Variants in TMOD1 observed in about 807,000 individuals in gnomAD.
TMOD1 encodes the protein tropomodulin-1.
Under a neutral mutation model 40.6 loss-of-function variants are expected in TMOD1, and 17 were observed. The ratio of observed to expected loss-of-function variants is 0.42; its 90% CI spans 0.29 to 0.63. The LOEUF (loss-of-function observed/expected upper bound fraction) is 0.63. TMOD1 is among the 20% of genes least tolerant of loss of function. The pLI is 0.22. For missense variants in TMOD1, 391 were observed against 447.6 expected, an observed-to-expected ratio of 0.87 and a Z score of 1.14; for synonymous variants, 181 against 175.0, an observed-to-expected ratio of 1.03 and a Z score of -0.27.
At chr9:97,510,906 G>C (rs555192006) in intron 1 of TMOD1, among the ~76,000 whole-genome samples, 2 of 152,238 alleles carry the variant, frequency 1.3e-5, no homozygotes, top group African/African-American at 4.8e-5. Context: ...CATAGGAGGA[G>C]TGGAGTGCAG....
At position 97,519,344 on chromosome 9, in the gene TMOD1, T is replaced by G. The variant is rs140101331; in HGVS notation, c.-48-4797T>G. On this transcript the variant is annotated intron_variant, in intron 1 of 9. Transcript: ENST00000259365. The stretch of plus-strand genomic sequence containing the variant: ...TATTTTTTCATATTTAACGGAGGCT[T>G]AAGGCTTCTGCCACAGAGAAGCGGG... Among the ~76,000 whole-genome samples, 322 of 152,348 alleles carry G rather than the reference T, an allele frequency of 2.1e-3. 3 individuals carry two copies. Among genetic ancestry groups the G allele is most frequent in the African/African-American group, 7.4e-3 (309 of 41,586 alleles).
intron 4 of TMOD1, among the ~76,000 whole-genome samples, chr9:97,556,998 C>T (rs6478262): frequency 0.26 from 38,812 of 151,854 alleles, 5,243 homozygotes; most frequent in African/African-American, 0.3. Context: ...AGGTGTGACA[C>T]GGGTGAGATG....
At chr9:97,508,804 C>T (rs1421651322) in intron 1 of TMOD1, among the ~76,000 whole-genome samples, 2 of 152,166 alleles carry the variant, frequency 1.3e-5, no homozygotes, top group Non-Finnish European at 2.9e-5. Context: ...GAAATATGGT[C>T]TTTACAAATG....
intron 6 of TMOD1, among the ~76,000 whole-genome samples, chr9:97,564,506 C>A (rs1313159635): frequency 3.3e-5 from 5 of 152,208 alleles, no homozygotes; most frequent in Admixed American, 1.3e-4. Context: ...GAGTCAGACA[C>A]ACGCTGCTGC....
At chr9:97,533,414 C>T (rs1830133138) in intron 2 of TMOD1, among the ~76,000 whole-genome samples, 1 of 152,196 alleles carries the variant, frequency 6.6e-6, no homozygotes, top group Non-Finnish European at 1.5e-5. Context: ...ACTGTATGGC[C>T]ACAGATACAG....
intron 1 of TMOD1, among the ~76,000 whole-genome samples, chr9:97,512,553 A>C (rs1247865316): frequency 6.6e-6 from 1 of 152,056 alleles, no homozygotes; most frequent in Non-Finnish European, 1.5e-5. Context: ...ATTTCAGATA[A>C]TGGAATACTA....
intron 1 of TMOD1, among the ~76,000 whole-genome samples, chr9:97,509,435 T>G (rs140500805): frequency 6.6e-6 from 1 of 152,290 alleles, no homozygotes; most frequent in African/African-American, 2.4e-5. Context: ...CTAATTTATT[T>G]ACTCAATGTC....
In TMOD1 at chr9:97,543,421, A is replaced by T. The variant is rs916494923; in HGVS notation, c.121-2764A>T. ...TTCTACCTGATTATATAACAATAGA[A>T]GGGATCATAAGTAATAATTTTTGAC... On this transcript the variant is annotated intron_variant, in intron 2 of 9. Coordinates refer to ENST00000259365, the MANE Select transcript of TMOD1 (RefSeq NM_003275.4). Among the ~76,000 whole-genome samples, 5 of 152,394 alleles carry T rather than the reference A, an allele frequency of 3.3e-5. No individual in the cohort carries two copies. In the East Asian group the frequency reaches 7.7e-4, roughly 23 times the overall value.
In TMOD1 at chr9:97,562,719, C is replaced by G. The variant is rs1027955336; in HGVS notation, c.398-13C>G. The G allele has an allele frequency of 3.9e-6, 6 of 1,527,620 alleles. No homozygotes were observed. Among genetic ancestry groups the G allele is most frequent in the Non-Finnish European group, 3.5e-6 (4 of 1,143,438 alleles). 94.6% of individuals were successfully genotyped at this position (1,527,620 alleles called of 1,614,324 possible). The stretch of plus-strand genomic sequence containing the variant: ...GCAGAGGCACATCATGAGCCCTTCC[C>G]TTGTCCCTGCAGCGATCCTGGGCAT... On this transcript the variant is annotated splice_polypyrimidine_tract_variant and intron_variant, in intron 4 of 9. Coordinates refer to ENST00000259365, the MANE Select transcript of TMOD1 (RefSeq NM_003275.4).
chr9:97,590,671 A>G (rs1456197871), intron 8 of TMOD1, among the ~76,000 whole-genome samples: 16 of 149,462 alleles, frequency 1.1e-4, no homozygotes, highest in Non-Finnish European at 3.0e-5. Flanking sequence ...GATGATCACT[A>G]TAGATTTGGG....
chr9:97,511,400 A>G (rs1412286625), intron 1 of TMOD1, among the ~76,000 whole-genome samples: 2 of 152,168 alleles, frequency 1.3e-5, no homozygotes, highest in African/African-American at 4.8e-5. Flanking sequence ...TCATAATAGA[A>G]CTAGGCCTTA....
intron 8 of TMOD1, 102 bp from the exon 9 acceptor site, chr9:97,591,189 C>A: frequency 7.8e-7 from 1 of 1,275,372 alleles, no homozygotes; most frequent in Non-Finnish European, 1.1e-6. Context: ...AAAATCCCCT[C>A]CCACTACTCA....
At chr9:97,594,266 C>G (rs1455881408) in intron 9 of TMOD1, among the ~76,000 whole-genome samples, 3 of 152,212 alleles carry the variant, frequency 2.0e-5, no homozygotes, top group East Asian at 1.9e-4. Flanking sequence ...TGTAGGATCT[C>G]TAGCTTTAAA....
chr9:97,572,691 G>A lies in TMOD1; in HGVS notation c.870+3654G>A, dbSNP rs146212120. Among the ~76,000 whole-genome samples the A allele has an allele frequency of 1.6e-3, 246 of 152,294 alleles. 1 individual carries two copies. Among genetic ancestry groups the A allele is most frequent in the African/African-American group, 5.7e-3 (237 of 41,556 alleles). On this transcript the variant is annotated intron_variant, in intron 8 of 9. Transcript: ENST00000259365. ...TCCTGGTTAGTCACCGAGGTCCTTG[G>A]AGACGGGAGCTTTTTCCTCAGTCCT... is the stretch of plus-strand genomic sequence containing the variant.
chr9:97,525,589 T>A (rs900889436), intron 2 of TMOD1, among the ~76,000 whole-genome samples: 3 of 152,260 alleles, frequency 2.0e-5, no homozygotes, highest in Non-Finnish European at 2.9e-5. Flanking sequence ...TTAGTAGTCC[T>A]GCCTGGATTA....
At chr9:97,518,309 C>T (rs755723640) in intron 1 of TMOD1, among the ~76,000 whole-genome samples, 3 of 152,308 alleles carry the variant, frequency 2.0e-5, no homozygotes, top group African/African-American at 7.2e-5. Context: ...GAGCCTCTGC[C>T]GGCCAAGGAA....
At chr9:97,553,149 G>A (rs1305273371) in intron 3 of TMOD1, 132 bp from the exon 4 acceptor site, 1 of 1,349,922 alleles carries the variant, frequency 7.4e-7, no homozygotes, top group Non-Finnish European at 1.0e-6. Flanking sequence ...GGTCCCCAGA[G>A]GGAGAAACCT....
At chr9:97,583,766 T>C (rs1825808293) in intron 8 of TMOD1, among the ~76,000 whole-genome samples, 1 of 145,688 alleles carries the variant, frequency 6.9e-6, no homozygotes, top group South Asian at 2.3e-4. Flanking sequence ...CCATTTCTTC[T>C]AGATTTTCTA....
rs1453833796 is a variant in TMOD1 at position 97,600,187 on chromosome 9, G to A, written c.*489G>A. ...CCCTCCTTGGAATTTTGAAAACCTCGATTAAAGTTGCCAAATTGATTACTG... is the reference window on the plus strand; with the variant it reads ...CCCTCCTTGGAATTTTGAAAACCTCAATTAAAGTTGCCAAATTGATTACTG... On this transcript the variant is annotated 3_prime_UTR_variant, in exon 10 of 10. Transcript: ENST00000259365. 5.0e-6 allele frequency: 5 copies of A among 995,266 alleles called. No homozygotes were observed. Among genetic ancestry groups the A allele is most frequent in the Non-Finnish European group, 6.0e-6 (5 of 834,864 alleles). The allele number at this position is 995,266 out of a possible 1,614,324, so 61.7% of individuals were successfully genotyped here.
Sources: gnomAD v4.1 joint callset for allele counts (sites outside exome capture counted in the v4.1 genomes callset) on GRCh38, gnomAD v4.1.1 for gene constraint, MANE v1.5 for transcripts, NCBI Gene and HGNC (gene_info 2026-07-23, HGNC 2026-07-21) for gene names.